The following KPNA6 variants were observed in gnomAD, a reference collection of about 807,000 sequenced individuals.
KPNA6 encodes the protein importin subunit alpha-7.
A neutral mutation model predicts 72.0 loss-of-function variants in KPNA6; 9 were observed. The ratio of observed to expected loss-of-function variants is 0.13; its 90% CI spans 0.08 to 0.22. The LOEUF (loss-of-function observed/expected upper bound fraction) is 0.22, where lower values mean the gene tolerates loss of function less well. KPNA6 is among the 10% of genes least tolerant of loss of function. KPNA6 has a pLI of 1.00. For missense variants in KPNA6, 374 were observed against 655.7 expected, an observed-to-expected ratio of 0.57 and a Z score of 4.69; for synonymous variants, 219 against 242.1, an observed-to-expected ratio of 0.90 and a Z score of 0.89.
rs111650908 is a variant in KPNA6, at chr1:32,136,908, G to C, written c.5-17680G>C. 2.5e-4 allele frequency among the ~76,000 whole-genome samples: 38 copies of C among 152,296 alleles called. 1 individual carries two copies. The highest frequency in any genetic ancestry group is 8.9e-4 in the African/African-American group (37 of 41,560). ...TAAAGGGCAGACCCTAAAGCCTTAG[G>C]TATTATTCGTTCTTGAAGCCAAGTT... On this transcript the variant is annotated intron_variant, in intron 1 of 13. Transcript: ENST00000373625.
intron 1 of KPNA6, among the ~76,000 whole-genome samples, chr1:32,147,575 G>C (rs1641950680): frequency 6.6e-6 from 1 of 151,672 alleles, no homozygotes; most frequent in Admixed American, 6.6e-5. Flanking sequence ...TGGGATTACA[G>C]GCATGAACCA....
intron 1 of KPNA6, among the ~76,000 whole-genome samples, chr1:32,133,233 A>ACTCAGCTT (rs1252263741): frequency 1.3e-5 from 2 of 151,860 alleles, no homozygotes; most frequent in African/African-American, 2.4e-5. Context: ...AGTCCCAGCT[A>ACTCAGCTT]CTCAGGAGGC....
chr1:32,163,060 C>T (rs1326014633), intron 9 of KPNA6, among the ~76,000 whole-genome samples, 175 bp from the exon 10 acceptor site: 2 of 149,642 alleles, frequency 1.3e-5, no homozygotes, highest in South Asian at 2.1e-4. Flanking sequence ...GCCGAGATCG[C>T]GCCACTGCAC....
intron 1 of KPNA6, among the ~76,000 whole-genome samples, chr1:32,128,640 A>G (rs904481450): frequency 6.6e-6 from 1 of 151,738 alleles, no homozygotes; most frequent in African/African-American, 2.4e-5. Flanking sequence ...TTATGGTCCC[A>G]TTGTGGACTG....
chr1:32,149,004 T>C (rs1351846455), intron 1 of KPNA6, among the ~76,000 whole-genome samples: 3 of 152,164 alleles, frequency 2.0e-5, no homozygotes, highest in African/African-American at 7.2e-5. Context: ...ATTGGTCCTT[T>C]TAATGGTATT....
intron 1 of KPNA6, among the ~76,000 whole-genome samples, chr1:32,125,984 A>T (rs1024004801): frequency 5.4e-5 from 8 of 147,016 alleles, no homozygotes; most frequent in African/African-American, 1.8e-4. Context: ...TTTACTAAAA[A>T]AAAAAAAAAA....
intron 1 of KPNA6, among the ~76,000 whole-genome samples, chr1:32,121,473 G>A (rs1387782516): frequency 1.3e-5 from 2 of 152,142 alleles, no homozygotes; most frequent in Non-Finnish European, 2.9e-5. Flanking sequence ...CAAGAGTGAG[G>A]CCTGGGAATG....
rs1253524887 is a variant in KPNA6, at chr1:32,170,702, T to C, written c.1424-5T>C. 5 of 1,613,412 alleles carry C rather than the reference T, an allele frequency of 3.1e-6. No individual in the cohort carries two copies. Among genetic ancestry groups the C allele is most frequent in the South Asian group, 1.1e-5 (1 of 91,078 alleles). On this transcript the variant is annotated splice_polypyrimidine_tract_variant and splice_region_variant and intron_variant, in intron 13 of 13. Transcript: ENST00000373625. ...CTTCCCTCTCCTTCCTTCTTACTAC[T>C]GTAGGCTTGGATAAAATTGAGTTTC...
At chr1:32,125,812 C>A (rs1266811174) in intron 1 of KPNA6, among the ~76,000 whole-genome samples, 1 of 151,906 alleles carries the variant, frequency 6.6e-6, no homozygotes, top group Non-Finnish European at 1.5e-5. Context: ...TTGTATAACA[C>A]CTCCAGTGAG....
intron 1 of KPNA6, among the ~76,000 whole-genome samples, chr1:32,108,751 G>A (rs759718624): frequency 3.9e-5 from 6 of 152,224 alleles, no homozygotes; most frequent in Non-Finnish European, 7.3e-5. Context: ...TGTGATGGTA[G>A]AACACCAAAG....
chr1:32,147,650 CTTTTTTTTTTTTTT>C (rs915571659), intron 1 of KPNA6, among the ~76,000 whole-genome samples: 9 of 81,882 alleles, frequency 1.1e-4, no homozygotes, highest in Non-Finnish European at 1.9e-4. Context: ...GATTTCTTTT[CTTTTTTTTTTTTTT>C]TTTTTTTTTT....
intron 1 of KPNA6, among the ~76,000 whole-genome samples, chr1:32,124,803 G>A (rs1194961665): frequency 3.3e-5 from 5 of 149,946 alleles, no homozygotes; most frequent in Non-Finnish European, 7.4e-5. Context: ...CAACGTGTTC[G>A]GCCGGCCTCG....
chr1:32,164,746 G>A (rs1482928013), intron 10 of KPNA6, among the ~76,000 whole-genome samples: 1 of 148,182 alleles, frequency 6.7e-6, no homozygotes, highest in Non-Finnish European at 1.5e-5. Flanking sequence ...GTTTTAATTG[G>A]GTTGTTGAGT....
intron 6 of KPNA6, among the ~76,000 whole-genome samples, chr1:32,160,165 G>A (rs1642211656): frequency 6.6e-6 from 1 of 152,122 alleles, no homozygotes; most frequent in Non-Finnish European, 1.5e-5. Context: ...TGGGCATGGT[G>A]GAGCTTACCT....
intron 1 of KPNA6, among the ~76,000 whole-genome samples, chr1:32,116,692 C>T (rs1283817812): frequency 1.3e-5 from 2 of 152,130 alleles, no homozygotes; most frequent in Admixed American, 1.3e-4. Flanking sequence ...GCTTTGCTAA[C>T]TGGCGCAAGA....
At chr1:32,158,201 T>C in intron 4 of KPNA6, 66 bp from the exon 5 acceptor site, 1 of 998,288 alleles carries the variant, frequency 1.0e-6, no homozygotes, top group Non-Finnish European at 1.6e-6. Flanking sequence ...GATTGCAAGC[T>C]GACCCCCATG....
At chr1:32,135,368 A>G (rs879400837) in intron 1 of KPNA6, among the ~76,000 whole-genome samples, 3 of 150,546 alleles carry the variant, frequency 2.0e-5, no homozygotes, top group Non-Finnish European at 3.0e-5. Context: ...CGCCTGGCCA[A>G]TTTATTTTTA....
chr1:32,165,751 A>G lies in KPNA6; in HGVS notation c.991-354A>G, dbSNP rs535540156. ...AGTGGCTCACACCTGTAATCCCAAC[A>G]CTTTGGGAGGCCGAGGCAGGCAGAT... is the stretch of plus-strand genomic sequence containing the variant. On this transcript the variant is annotated intron_variant, in intron 10 of 13. Transcript: ENST00000373625. 5.3e-5 allele frequency among the ~76,000 whole-genome samples: 8 copies of G among 152,130 alleles called. No homozygotes were observed. The East Asian group carries it at 1.5e-3, about 29-fold the overall frequency.
intron 1 of KPNA6, among the ~76,000 whole-genome samples, chr1:32,109,286 C>T (rs1442215883): frequency 1.3e-5 from 2 of 152,008 alleles, no homozygotes; most frequent in South Asian, 2.1e-4. Flanking sequence ...TCTCCTGCCT[C>T]AGCCTCCCGA....
Sources: allele counts gnomAD v4.1 joint callset (sites outside exome capture counted in the v4.1 genomes callset), GRCh38; gene constraint gnomAD v4.1.1; transcripts MANE v1.5; gene names NCBI Gene and HGNC (gene_info 2026-07-23, HGNC 2026-07-21).